The following EMSY variants were observed in gnomAD, a reference collection of about 807,000 sequenced individuals.
The protein encoded by EMSY is EMSY transcriptional repressor, BRCA2 interacting.
Under a neutral mutation model 134.6 loss-of-function variants are expected in EMSY, and 26 were observed. The ratio of observed to expected loss-of-function variants is 0.19; its 90% CI spans 0.14 to 0.27. The LOEUF (loss-of-function observed/expected upper bound fraction) is 0.27. EMSY is among the 10% of genes least tolerant of loss of function. The pLI, the probability that EMSY is intolerant of heterozygous loss-of-function variation, is 1.00. For missense variants in EMSY, 1,305 were observed against 1,611.4 expected (o/e 0.81, Z 3.26); for synonymous variants, 579 against 577.8 (o/e 1.00, Z -0.03).
intron 14 of EMSY, among the ~76,000 whole-genome samples, chr11:76,531,309 A>G (rs745976390): frequency 1.3e-5 from 2 of 152,218 alleles, no homozygotes; most frequent in Non-Finnish European, 2.9e-5. Flanking sequence ...CCTGTCCTCA[A>G]TAAAATTCAG....
At chr11:76,457,427 G>A (rs1253626097) in intron 4 of EMSY, among the ~76,000 whole-genome samples, 1 of 152,178 alleles carries the variant, frequency 6.6e-6, no homozygotes, top group Non-Finnish European at 1.5e-5. Context: ...TGGATTCTTG[G>A]AATAAAATTT....
intron 11 of EMSY, among the ~76,000 whole-genome samples, chr11:76,518,703 A>ATATTTTT (rs57143914): frequency 1.3e-3 from 164 of 130,186 alleles, no homozygotes; most frequent in African/African-American, 2.1e-3. Flanking sequence ...ATATATATAT[A>ATATTTTT]TTTTTTTTTT....
rs1420631144 is a variant in EMSY, at chr11:76,454,791, G to C, written c.245+1403G>C. 1 of 1,460,060 alleles carries C rather than the reference G, an allele frequency of 6.8e-7. No homozygotes were observed. Among genetic ancestry groups the C allele is most frequent in the Non-Finnish European group, 9.2e-7 (1 of 1,086,558 alleles). 90.4% of individuals were successfully genotyped at this position (1,460,060 alleles called of 1,614,324 possible). ...ATTTGGGTGAAAGACCAAGTTACAGGTATGCAAATAGGTTATTATTATTTC... is the reference window on the plus strand; with the variant it reads ...ATTTGGGTGAAAGACCAAGTTACAGCTATGCAAATAGGTTATTATTATTTC... On this transcript the variant is annotated intron_variant, in intron 4 of 20. Coordinates refer to ENST00000334736, the Ensembl canonical transcript of EMSY.
intron 8 of EMSY, among the ~76,000 whole-genome samples, chr11:76,476,076 C>G (rs1371439119): frequency 6.6e-6 from 1 of 152,198 alleles, no homozygotes; most frequent in African/African-American, 2.4e-5. Flanking sequence ...CTGGATTTTA[C>G]TGATTTCATC....
intron 16 of EMSY, among the ~76,000 whole-genome samples, chr11:76,538,612 G>A (rs1228152102): frequency 2.0e-5 from 3 of 152,066 alleles, no homozygotes; most frequent in Non-Finnish European, 4.4e-5. Flanking sequence ...GGGAAGGTGG[G>A]TCAAGGGGGA....
chr11:76,529,261 C>A (rs1428651329), intron 14 of EMSY, among the ~76,000 whole-genome samples: 4 of 152,116 alleles, frequency 2.6e-5, no homozygotes, highest in African/African-American at 9.7e-5. Flanking sequence ...AGCTGTTTAT[C>A]TTCCCTTGTT....
At chr11:76,460,038 C>A (rs777832208) in exon 6 of EMSY, 1 of 1,614,176 alleles carries the variant, frequency 6.2e-7, no homozygotes, top group Non-Finnish European at 8.5e-7. Flanking sequence ...GCCAGTCCTG[C>A]CTCCAATGTA....
intron 11 of EMSY, among the ~76,000 whole-genome samples, chr11:76,519,056 G>T (rs1375653819): frequency 1.3e-5 from 2 of 149,786 alleles, no homozygotes; most frequent in East Asian, 2.0e-4. Context: ...CTTTGTAGTT[G>T]ATTCATATCT....
At chr11:76,514,512 T>C (rs1204826538) in intron 10 of EMSY, among the ~76,000 whole-genome samples, 3 of 152,282 alleles carry the variant, frequency 2.0e-5, no homozygotes, top group East Asian at 3.9e-4. Flanking sequence ...CCCAAGGTCA[T>C]GTAGCCAAAA....
intron 9 of EMSY, among the ~76,000 whole-genome samples, chr11:76,505,552 A>C (rs1420389515): frequency 1.3e-5 from 2 of 151,610 alleles, no homozygotes; most frequent in Non-Finnish European, 2.9e-5. Context: ...TACTTCATAG[A>C]AAATAATCTA....
Position 76,522,352 on chromosome 11 carries a change from C to CTTTTTTTTTTTT in EMSY, c.1685-784_1685-773dup, listed in dbSNP as rs71040003. Among the ~76,000 whole-genome samples, 30 of 44,248 alleles carry CTTTTTTTTTTTT rather than the reference C, an allele frequency of 6.8e-4. 2 individuals carry two copies. The highest frequency in any genetic ancestry group is 7.5e-4 in the African/African-American group (8 of 10,636). The allele number at this position is 44,248 out of a possible 152,430, so 29.0% of individuals were successfully genotyped here. A position where few individuals can be genotyped will look rare whatever the true frequency, so the allele number is the denominator to read the frequency against. ...CTTGTTTTGTATATCGTTTACTTTG[C>CTTTTTTTTTTTT]TTTTTTTTTTTTTTTTTTTTTTTTT... On this transcript the variant is annotated intron_variant, in intron 11 of 20. Coordinates refer to ENST00000334736, the Ensembl canonical transcript of EMSY.
chr11:76,479,371 A>G (rs1948883109), intron 8 of EMSY, among the ~76,000 whole-genome samples: 1 of 152,230 alleles, frequency 6.6e-6, no homozygotes, highest in Non-Finnish European at 1.5e-5. Flanking sequence ...TGTAGCAGTG[A>G]TATATCTTTT....
At chr11:76,484,886 C>T (rs769427596) in intron 8 of EMSY, among the ~76,000 whole-genome samples, 12 of 149,220 alleles carry the variant, frequency 8.0e-5, no homozygotes, top group Non-Finnish European at 1.5e-4. Context: ...GAGATTGCGC[C>T]ATTGCACACC....
Position 76,470,084 on chromosome 11 carries a change from G to A in EMSY, c.832-2480G>A, listed in dbSNP as rs550058241. On this transcript the variant is annotated intron_variant, in intron 7 of 20. Coordinates refer to ENST00000334736, the Ensembl canonical transcript of EMSY. ...CTGGTAATTCTCTGTAACACTCAAA[G>A]TATATAATAACAATGTTATGGTCCG... Among the ~76,000 whole-genome samples the A allele has an allele frequency of 4.6e-5, 7 of 152,220 alleles. No homozygotes were observed. In the South Asian group the frequency reaches 1.5e-3, roughly 32 times the overall value.
rs577159312 is a variant in EMSY at position 76,545,603 on chromosome 11, C to T, written c.3274-194C>T. Among the ~76,000 whole-genome samples the T allele has an allele frequency of 2.0e-4, 31 of 152,220 alleles. No homozygotes were observed. In the South Asian group the frequency reaches 6.4e-3, roughly 32 times the overall value. On this transcript the variant is annotated intron_variant, in intron 19 of 20. Transcript: ENST00000334736. Reference sequence around the variant, plus strand: ...CTGGCTGAACAAAGGTTCTTTCAACCCCTCCTCTTTCTCTAGGTTTTGTAA... The same window carrying T: ...CTGGCTGAACAAAGGTTCTTTCAACTCCTCCTCTTTCTCTAGGTTTTGTAA...
intron 14 of EMSY, among the ~76,000 whole-genome samples, chr11:76,534,058 C>A (rs189091675): frequency 1.3e-5 from 2 of 152,228 alleles, no homozygotes; most frequent in African/African-American, 4.8e-5. Flanking sequence ...TCTCTAGTAC[C>A]TACGAGGTGA....
chr11:76,523,276 G>A (rs373901740), exon 12 of EMSY: 84 of 1,612,530 alleles, frequency 5.2e-5, no homozygotes, highest in Non-Finnish European at 6.9e-5. Context: ...TTGTCACAAC[G>A]TTGCTAAATG....
intron 7 of EMSY, among the ~76,000 whole-genome samples, chr11:76,465,367 A>T (rs1002824832): frequency 9.9e-5 from 15 of 152,082 alleles, no homozygotes; most frequent in Non-Finnish European, 2.1e-4. Context: ...TAAACTCTCT[A>T]CCCGAGTTTT....
chr11:76,499,881 T>C (rs915377622), intron 9 of EMSY, among the ~76,000 whole-genome samples: 1 of 151,950 alleles, frequency 6.6e-6, no homozygotes, highest in Non-Finnish European at 1.5e-5. Context: ...TAACAAGACC[T>C]CTGCCCTTTT....
Sources: allele counts gnomAD v4.1 joint callset (sites outside exome capture counted in the v4.1 genomes callset), GRCh38; gene constraint gnomAD v4.1.1; transcripts MANE v1.5; gene names NCBI Gene and HGNC (gene_info 2026-07-23, HGNC 2026-07-21).